PTPRD: variants seen among roughly 807,000 people sequenced by gnomAD.
The protein encoded by PTPRD is protein tyrosine phosphatase receptor type D, also known as receptor-type tyrosine-protein phosphatase delta.
PTPRD carries 34 observed loss-of-function variants against 214.5 expected under a neutral mutation model. The observed-to-expected ratio is 0.16, with a 90% CI of 0.12 to 0.21. The LOEUF is 0.21. Among genes scored for constraint, PTPRD ranks in the 10% least tolerant of loss-of-function variants. The probability of loss-of-function intolerance (pLI) is 1.00; values close to 1 mark genes in which losing one functional copy is unlikely to be tolerated. For synonymous variants in PTPRD, 1,128 were observed against 845.7 expected (o/e 1.33, Z -5.79); for missense variants, 2,545 against 2,398.7 (o/e 1.06, Z -1.27).
chr9:8,845,469 C>T (rs763522987), intron 11 of PTPRD, among the ~76,000 whole-genome samples: 29 of 152,206 alleles, frequency 1.9e-4, no homozygotes, highest in Admixed American at 5.2e-4. Flanking sequence ...ATCAGTGAGG[C>T]AAATTTCTAA....
intron 2 of PTPRD, among the ~76,000 whole-genome samples, chr9:10,383,631 T>C (rs779224189): frequency 2.2e-4 from 34 of 151,858 alleles, no homozygotes; most frequent in Non-Finnish European, 3.7e-4. Flanking sequence ...CAAAGCACAG[T>C]ATTACCAGAG....
chr9:10,114,456 T>A (rs1404709954), intron 3 of PTPRD, among the ~76,000 whole-genome samples: 1 of 152,136 alleles, frequency 6.6e-6, no homozygotes, highest in Non-Finnish European at 1.5e-5. Context: ...TACCTGTCCA[T>A]TATTATAAAA....
chr9:9,537,048 C>T (rs1003571421), intron 8 of PTPRD, among the ~76,000 whole-genome samples: 1 of 151,770 alleles, frequency 6.6e-6, no homozygotes, highest in East Asian at 2.0e-4. Flanking sequence ...AAAGTCCTTC[C>T]TCTCAATACC....
At chr9:9,304,157 C>A (rs2135042865) in intron 9 of PTPRD, among the ~76,000 whole-genome samples, 3 of 152,098 alleles carry the variant, frequency 2.0e-5, no homozygotes. Flanking sequence ...AGCTTAGAAT[C>A]TAAAAAGAAG....
chr9:9,397,989 A>T (rs1280618811), intron 8 of PTPRD, among the ~76,000 whole-genome samples: 1 of 151,874 alleles, frequency 6.6e-6, no homozygotes, highest in Non-Finnish European at 1.5e-5. Context: ...ACTGTTTATG[A>T]TTCTTTTCCA....
At chr9:10,400,612 G>T (rs2098253886) in intron 2 of PTPRD, among the ~76,000 whole-genome samples, 1 of 151,424 alleles carries the variant, frequency 6.6e-6, no homozygotes, top group African/African-American at 2.4e-5. Flanking sequence ...GAATATTGTT[G>T]AAAATTTAGC....
At chr9:8,454,631 G>T in intron 33 of PTPRD, 1 of 1,609,330 alleles carries the variant, frequency 6.2e-7, no homozygotes, top group Middle Eastern at 1.7e-4. Flanking sequence ...AAAAAGAAAG[G>T]CTAAATGTTA....
At chr9:8,356,737 G>C (rs779537993) in intron 39 of PTPRD, among the ~76,000 whole-genome samples, 1 of 152,110 alleles carries the variant, frequency 6.6e-6, no homozygotes, top group African/African-American at 2.4e-5. Flanking sequence ...CTGCAGGCAG[G>C]CTGATTTCCT....
chr9:9,708,392 T>C (rs962575555), intron 7 of PTPRD, among the ~76,000 whole-genome samples: 3 of 152,110 alleles, frequency 2.0e-5, no homozygotes, highest in Non-Finnish European at 4.4e-5. Flanking sequence ...CTATATTTCA[T>C]TTATTCTTAC....
At chr9:9,345,260 C>G (rs1018555963) in intron 9 of PTPRD, among the ~76,000 whole-genome samples, 2 of 150,290 alleles carry the variant, frequency 1.3e-5, no homozygotes, top group African/African-American at 4.9e-5. Flanking sequence ...AAATATTAAA[C>G]ATATATTTCA....
intron 10 of PTPRD, among the ~76,000 whole-genome samples, chr9:9,086,215 G>C (rs2099766834): frequency 6.6e-6 from 1 of 152,206 alleles, no homozygotes; most frequent in South Asian, 2.1e-4. Context: ...AAATCTATGG[G>C]TATAGAATAC....
At chr9:9,980,532 C>CG (rs1384323000) in intron 4 of PTPRD, among the ~76,000 whole-genome samples, 1 of 134,966 alleles carries the variant, frequency 7.4e-6, no homozygotes. Flanking sequence ...CGCTTGAACC[C>CG]GGGGGGGCAA....
At chr9:10,069,638 G>A (rs1056593936) in intron 3 of PTPRD, among the ~76,000 whole-genome samples, 1 of 151,970 alleles carries the variant, frequency 6.6e-6, no homozygotes, top group Non-Finnish European at 1.5e-5. Flanking sequence ...TAGCCACTGA[G>A]ACTTGACTTT....
rs568850366 is a variant in PTPRD at position 8,468,454 on chromosome 9, T to C, written c.3504+2541A>G. Among the ~76,000 whole-genome samples, 4 of 152,142 alleles carry C rather than the reference T, an allele frequency of 2.6e-5. No individual in the cohort carries two copies. In the East Asian group the frequency reaches 5.8e-4, roughly 22 times the overall value. On this transcript the variant is annotated intron_variant, in intron 31 of 45. Coordinates refer to ENST00000381196, the MANE Select transcript of PTPRD (RefSeq NM_002839.4). ...CAAATTCATTTTGACTATCAATGTC[T>C]GCTCTACCCAGTTTGACCTTGACAA...
intron 5 of PTPRD, among the ~76,000 whole-genome samples, chr9:9,849,340 C>G (rs1299895355): frequency 6.6e-6 from 1 of 151,774 alleles, no homozygotes; most frequent in African/African-American, 2.4e-5. Flanking sequence ...AGCAATTAAC[C>G]CAGGCATCAA....
At chr9:8,934,485 A>ATG (rs2098980739) in intron 11 of PTPRD, among the ~76,000 whole-genome samples, 1 of 9,128 alleles carries the variant, frequency 1.1e-4, no homozygotes, top group African/African-American at 3.6e-4. Context: ...ATAAATATAT[A>ATG]TATATATAAA....
intron 11 of PTPRD, among the ~76,000 whole-genome samples, chr9:8,763,391 G>A (rs1430813810): frequency 6.6e-6 from 1 of 152,028 alleles, no homozygotes; most frequent in Non-Finnish European, 1.5e-5. Context: ...GCTCATGCCT[G>A]TAATCCTAGC....
intron 10 of PTPRD, among the ~76,000 whole-genome samples, chr9:9,078,401 T>G (rs1439088001): frequency 1.3e-5 from 2 of 152,028 alleles, no homozygotes; most frequent in East Asian, 1.9e-4. Flanking sequence ...AGTAAATAAT[T>G]AATGTTGAAT....
chr9:10,059,154 T>C (rs1474546048), intron 3 of PTPRD, among the ~76,000 whole-genome samples: 1 of 152,106 alleles, frequency 6.6e-6, no homozygotes, highest in Admixed American at 6.6e-5. Flanking sequence ...AAGCAGTAAG[T>C]TCAAATTTAA....
Sources: gnomAD v4.1 joint callset for allele counts (sites outside exome capture counted in the v4.1 genomes callset) on GRCh38, gnomAD v4.1.1 for gene constraint, MANE v1.5 for transcripts, NCBI Gene and HGNC (gene_info 2026-07-23, HGNC 2026-07-21) for gene names.